FHOD3: variants seen among roughly 807,000 people sequenced by gnomAD.
FHOD3 encodes FH1/FH2 domain-containing protein 3.
A neutral mutation model predicts 173.0 loss-of-function variants in FHOD3; 90 were observed. The observed-to-expected ratio is 0.52, with a 90% CI of 0.44 to 0.62. The LOEUF (loss-of-function observed/expected upper bound fraction) is 0.62. Ranked by LOEUF, FHOD3 falls within the 20% of genes least tolerant of loss-of-function variation. The pLI is 0.00. For synonymous variants in FHOD3, 828 were observed against 823.0 expected (o/e 1.01, Z -0.10); for missense variants, 1,945 against 2,034.7 (o/e 0.96, Z 0.85).
chr18:36,717,791 C>T (rs940732274), intron 18 of FHOD3, 41 bp from the exon 19 acceptor site: 15 of 1,526,368 alleles, frequency 9.8e-6, no homozygotes, highest in African/African-American at 9.7e-5. Context: ...AAGTGAGGCC[C>T]CCTTGCCCCT....
At chr18:36,642,308 T>A (rs1039643587) in intron 10 of FHOD3, among the ~76,000 whole-genome samples, 1 of 152,128 alleles carries the variant, frequency 6.6e-6, no homozygotes, top group South Asian at 2.1e-4. Context: ...AAAAATTGTT[T>A]CGTTACATAT....
At chr18:36,452,788 G>T (rs111942038) in intron 3 of FHOD3, among the ~76,000 whole-genome samples, 182 of 151,796 alleles carry the variant, frequency 1.2e-3, no homozygotes, top group African/African-American at 4.0e-3. Flanking sequence ...TTTTTTTAAG[G>T]CTGAATAATA....
At chr18:36,511,389 C>T (rs1195066610) in intron 4 of FHOD3, among the ~76,000 whole-genome samples, 3 of 149,012 alleles carry the variant, frequency 2.0e-5, no homozygotes, top group Non-Finnish European at 3.0e-5. Context: ...CTTTTTGCCA[C>T]TCCTGAGTCT....
intron 14 of FHOD3, among the ~76,000 whole-genome samples, chr18:36,666,650 T>G (rs1303650346): frequency 6.6e-6 from 1 of 152,242 alleles, no homozygotes; most frequent in Non-Finnish European, 1.5e-5. Flanking sequence ...ACTTAGTTTT[T>G]GCTTTTGTTA....
At chr18:36,368,079 T>C (rs2145993007) in intron 2 of FHOD3, among the ~76,000 whole-genome samples, 1 of 152,244 alleles carries the variant, frequency 6.6e-6, no homozygotes, top group African/African-American at 2.4e-5. Context: ...TTTAGAGCAG[T>C]GTGAAAACGG....
intron 8 of FHOD3, among the ~76,000 whole-genome samples, chr18:36,606,795 T>A (rs1467024578): frequency 6.6e-6 from 1 of 152,176 alleles, no homozygotes; most frequent in African/African-American, 2.4e-5. Flanking sequence ...ATGTTCACAT[T>A]CCAAAAGGCA....
intron 3 of FHOD3, among the ~76,000 whole-genome samples, chr18:36,380,910 C>T (rs1254307245): frequency 1.3e-5 from 2 of 152,114 alleles, no homozygotes; most frequent in Non-Finnish European, 2.9e-5. Flanking sequence ...CCTCCTGAGC[C>T]ACAGCAGGGG....
At chr18:36,527,478 CTT>C (rs1343576213) in intron 5 of FHOD3, among the ~76,000 whole-genome samples, 2 of 152,148 alleles carry the variant, frequency 1.3e-5, no homozygotes, top group Non-Finnish European at 2.9e-5. Context: ...CACTTTTTGT[CTT>C]TGCGGTTGTA....
At chr18:36,687,733 A>G (rs2038717172) in intron 16 of FHOD3, among the ~76,000 whole-genome samples, 1 of 152,244 alleles carries the variant, frequency 6.6e-6, no homozygotes, top group Admixed American at 6.5e-5. Context: ...GGAATAATAT[A>G]TGGAATCAGT....
chr18:36,579,202 G>A (rs889854418), intron 6 of FHOD3, among the ~76,000 whole-genome samples: 17 of 152,172 alleles, frequency 1.1e-4, no homozygotes, highest in African/African-American at 3.4e-4. Context: ...ATGGTCTCAA[G>A]GACATAAAAG....
intron 8 of FHOD3, among the ~76,000 whole-genome samples, chr18:36,605,818 A>C (rs2032004982): frequency 6.6e-6 from 1 of 152,208 alleles, no homozygotes; most frequent in South Asian, 2.1e-4. Context: ...TCAGACTGTG[A>C]AATCTGGGAA....
chr18:36,582,544 CA>C (rs763644005), intron 6 of FHOD3, among the ~76,000 whole-genome samples: 9 of 152,152 alleles, frequency 5.9e-5, no homozygotes, highest in Non-Finnish European at 8.8e-5. Flanking sequence ...TGTCATTAAC[CA>C]AATGCTTGTG....
At position 36,720,410 on chromosome 18, in the gene FHOD3, G is replaced by A. The variant is rs144402740; in HGVS notation, c.3417+1695G>A. On this transcript the variant is annotated intron_variant, in intron 19 of 28. Coordinates refer to ENST00000590592, the MANE Select transcript of FHOD3 (RefSeq NM_001281740.3). Reference sequence around the variant, plus strand: ...CCACTGCTACACCCAGCTAATTTTTGTATTTTTAGTAGAGATGGGGTTTCA... The same window carrying A: ...CCACTGCTACACCCAGCTAATTTTTATATTTTTAGTAGAGATGGGGTTTCA... Among the ~76,000 whole-genome samples, 1,357 of 151,732 alleles carry A rather than the reference G, an allele frequency of 8.9e-3. 17 individuals carry two copies. Among genetic ancestry groups the A allele is most frequent in the African/African-American group, 0.03 (1,259 of 41,348 alleles).
chr18:36,400,701 C>G (rs976415423), intron 3 of FHOD3, among the ~76,000 whole-genome samples: 1 of 152,188 alleles, frequency 6.6e-6, no homozygotes, highest in Non-Finnish European at 1.5e-5. Flanking sequence ...GAGCTGAGAG[C>G]AGGCCTTACC....
intron 15 of FHOD3, among the ~76,000 whole-genome samples, chr18:36,683,576 A>G (rs2038397354): frequency 6.6e-6 from 1 of 152,222 alleles, no homozygotes; most frequent in African/African-American, 2.4e-5. Context: ...CTTGGCATGT[A>G]CTCAAAGGCA....
intron 5 of FHOD3, among the ~76,000 whole-genome samples, chr18:36,530,873 C>T (rs1403510490): frequency 6.6e-6 from 1 of 152,176 alleles, no homozygotes; most frequent in Non-Finnish European, 1.5e-5. Context: ...GGCTTTTGTT[C>T]TTAGTCTTGT....
chr18:36,479,617 C>T (rs1393427739), intron 3 of FHOD3, among the ~76,000 whole-genome samples: 2 of 149,592 alleles, frequency 1.3e-5, no homozygotes, highest in African/African-American at 2.5e-5. Context: ...ATATATATTC[C>T]AAATGAATGT....
intron 3 of FHOD3, among the ~76,000 whole-genome samples, chr18:36,460,848 A>T (rs2144705696): frequency 6.6e-6 from 1 of 152,302 alleles, no homozygotes; most frequent in African/African-American, 2.4e-5. Context: ...ACTGGCACAG[A>T]GGAGATTATT....
chr18:36,414,589 C>T (rs1482004177), intron 3 of FHOD3, among the ~76,000 whole-genome samples: 1 of 152,212 alleles, frequency 6.6e-6, no homozygotes, highest in East Asian at 1.9e-4. Context: ...CTCATCCCAT[C>T]ATTCATTGGT....
Sources: allele counts gnomAD v4.1 joint callset (sites outside exome capture counted in the v4.1 genomes callset), GRCh38; gene constraint gnomAD v4.1.1; transcripts MANE v1.5; gene names NCBI Gene and HGNC (gene_info 2026-07-23, HGNC 2026-07-21).